The following ARK2C variants were observed in gnomAD, a reference collection of about 807,000 sequenced individuals.
ARK2C encodes the protein E3 ubiquitin-protein ligase ARK2C.
the ARK2C span, among the ~76,000 whole-genome samples, chr18:46,388,186 A>AGGGGTGTTTG: frequency 2.6e-5 from 4 of 152,194 alleles, no homozygotes; most frequent in Non-Finnish European, 4.4e-5. Context: ...GGCATTTTCA[A>AGGGGTGTTTG]GGGGTGTTTG....
chr18:46,397,999 T>C, the ARK2C span, among the ~76,000 whole-genome samples: 1 of 143,838 alleles, frequency 7.0e-6, no homozygotes, highest in East Asian at 2.1e-4. Flanking sequence ...TGAGGGTGTG[T>C]GTGCATGTGG....
the ARK2C span, among the ~76,000 whole-genome samples, chr18:46,346,908 G>C: frequency 1.3e-5 from 2 of 152,228 alleles, no homozygotes; most frequent in Non-Finnish European, 2.9e-5. Context: ...CTGAGAACCT[G>C]CTTTGGCACA....
At chr18:46,453,899 G>A in the ARK2C span, among the ~76,000 whole-genome samples, 2 of 151,736 alleles carry the variant, frequency 1.3e-5, no homozygotes, top group East Asian at 1.9e-4. Flanking sequence ...GATAGATTGA[G>A]CCCAGGAGTT....
chr18:46,367,756 C>T, the ARK2C span, among the ~76,000 whole-genome samples: 1 of 152,192 alleles, frequency 6.6e-6, no homozygotes, highest in African/African-American at 2.4e-5. Context: ...GAGCCCAGAT[C>T]CCCTGAATGT....
chr18:46,334,512 TCG>T, the ARK2C span: 1 of 503,298 alleles, frequency 2.0e-6, no homozygotes, highest in Non-Finnish European at 3.4e-6. This position sits in a 1 kb window ranked among gnomAD's most constrained non-coding sequence, Gnocchi z 4.4. Flanking sequence ...GCGGCCGCCC[TCG>T]TGGGAGCTTT....
At chr18:46,444,715 CT>C in the ARK2C span, among the ~76,000 whole-genome samples, 1 of 151,978 alleles carries the variant, frequency 6.6e-6, no homozygotes, top group Non-Finnish European at 1.5e-5. Context: ...TAAAATGATC[CT>C]CCTGCCTTGG....
At chr18:46,451,800 G>T in the ARK2C span, among the ~76,000 whole-genome samples, 1 of 152,166 alleles carries the variant, frequency 6.6e-6, no homozygotes, top group Non-Finnish European at 1.5e-5. Context: ...GCAAGACCCT[G>T]TATCAAACAA....
chr18:46,428,975 C>G, the ARK2C span, among the ~76,000 whole-genome samples: 4 of 152,180 alleles, frequency 2.6e-5, no homozygotes, highest in Non-Finnish European at 5.9e-5. Context: ...TATCCCTCTA[C>G]TGTGCTTCCC....
At chr18:46,370,531 A>G in the ARK2C span, among the ~76,000 whole-genome samples, 5 of 152,192 alleles carry the variant, frequency 3.3e-5, no homozygotes, top group East Asian at 5.8e-4. Context: ...TGTAGGGAAA[A>G]CATTGTGTTC....
chr18:46,442,127 C>A, the ARK2C span, among the ~76,000 whole-genome samples: 3 of 147,848 alleles, frequency 2.0e-5, 1 homozygote, highest in Admixed American at 2.0e-4. Flanking sequence ...CGCGCCACTG[C>A]GCTCCAGCCT....
At chr18:46,336,509 G>A in the ARK2C span, 1 of 985,444 alleles carries the variant, frequency 1.0e-6, no homozygotes, top group Non-Finnish European at 1.2e-6. Context: ...CGCAGAATGT[G>A]ATAAGAGTTC....
At chr18:46,351,624 G>A in the ARK2C span, among the ~76,000 whole-genome samples, 2 of 152,130 alleles carry the variant, frequency 1.3e-5, no homozygotes, top group Non-Finnish European at 2.9e-5. Flanking sequence ...CACATCAGGG[G>A]CTTTATAGGC....
At chr18:46,446,038 C>T in the ARK2C span, among the ~76,000 whole-genome samples, 1 of 151,906 alleles carries the variant, frequency 6.6e-6, no homozygotes, top group Admixed American at 6.6e-5. Flanking sequence ...TTCTCTGGAC[C>T]TTGGCACCAA....
chr18:46,432,947 AAAATAAAT>A, the ARK2C span, among the ~76,000 whole-genome samples: 2 of 150,914 alleles, frequency 1.3e-5, no homozygotes, highest in African/African-American at 4.9e-5. Context: ...TCCGTCTCAA[AAAATAAAT>A]AAATAAATAA....
At chr18:46,403,613 C>T in the ARK2C span, among the ~76,000 whole-genome samples, 3 of 152,132 alleles carry the variant, frequency 2.0e-5, no homozygotes, top group Admixed American at 6.6e-5. Context: ...TGCAGTGGCT[C>T]ACAACTGTAA....
At chr18:46,406,166 G>A in the ARK2C span, among the ~76,000 whole-genome samples, 1 of 152,048 alleles carries the variant, frequency 6.6e-6, no homozygotes, top group Non-Finnish European at 1.5e-5. Flanking sequence ...CTCACCCCAT[G>A]TGCACCCCCA....
chr18:46,404,755 AACACACACACACAAACAC>A, the ARK2C span, among the ~76,000 whole-genome samples: 1 of 150,890 alleles, frequency 6.6e-6, no homozygotes, highest in Non-Finnish European at 1.5e-5. Flanking sequence ...TCCATCTCAA[AACACACACACACAAACAC>A]ACACACACAC....
chr18:46,383,081 G>A, the ARK2C span, among the ~76,000 whole-genome samples: 3 of 152,248 alleles, frequency 2.0e-5, no homozygotes, highest in African/African-American at 7.2e-5. Flanking sequence ...CTTCTTCTCA[G>A]CATGCTGGGC....
chr18:46,416,217 G>A, the ARK2C span, among the ~76,000 whole-genome samples: 1 of 152,184 alleles, frequency 6.6e-6, no homozygotes, highest in Non-Finnish European at 1.5e-5. Context: ...AAAGCTCTAG[G>A]AAGTCAAAGC....
Sources: gnomAD v4.1 joint callset for allele counts (sites outside exome capture counted in the v4.1 genomes callset) on GRCh38, gnomAD v4.1.1 for gene constraint, Gnocchi (gnomAD v3.1) non-coding constraint, MANE v1.5 for transcripts, NCBI Gene and HGNC (gene_info 2026-07-23, HGNC 2026-07-21) for gene names.